Variants in TENM4 observed in about 807,000 individuals in gnomAD.
TENM4 encodes teneurin-4.
Under a neutral mutation model 243.3 loss-of-function variants are expected in TENM4, and 82 were observed. The observed-to-expected ratio is 0.34, with a 90% CI of 0.28 to 0.40. The LOEUF is 0.40. Ranked by LOEUF, TENM4 falls within the 10% of genes least tolerant of loss-of-function variation. The pLI, the probability that TENM4 is intolerant of heterozygous loss-of-function variation, is 1.00. For synonymous variants in TENM4, 1,412 were observed against 1,456.3 expected (o/e 0.97, Z 0.69); for missense variants, 3,138 against 3,673.3 (o/e 0.85, Z 3.77).
chr11:78,952,120 C>T (rs1049626900), intron 6 of TENM4, among the ~76,000 whole-genome samples: 5 of 152,200 alleles, frequency 3.3e-5, no homozygotes, highest in South Asian at 2.1e-4. Context: ...CCTCCATGGA[C>T]CCTGGCACAC....
intron 3 of TENM4, among the ~76,000 whole-genome samples, chr11:79,172,384 T>C (rs1193197098): frequency 1.3e-5 from 2 of 152,210 alleles, no homozygotes; most frequent in Non-Finnish European, 2.9e-5. Flanking sequence ...CATTCACTTA[T>C]CCATTTATTC....
At position 78,702,954 on chromosome 11, in the gene TENM4, T is replaced by A. The variant is rs186960116; in HGVS notation, c.4210-551A>T. Among the ~76,000 whole-genome samples, 17 of 150,838 alleles carry A rather than the reference T, an allele frequency of 1.1e-4. No individual in the cohort carries two copies. The East Asian group carries it at 3.3e-3, about 29-fold the overall frequency. On this transcript the variant is annotated intron_variant, in intron 27 of 33. Coordinates refer to ENST00000278550, the MANE Select transcript of TENM4 (RefSeq NM_001098816.3). Reference sequence around the variant, plus strand: ...TATGATACATGTATGATTTCTCAATTCTTTGAGTTCATGGATTAACAGCTG... The same window carrying A: ...TATGATACATGTATGATTTCTCAATACTTTGAGTTCATGGATTAACAGCTG...
At chr11:79,127,308 G>C (rs989948812) in intron 4 of TENM4, among the ~76,000 whole-genome samples, 7 of 152,234 alleles carry the variant, frequency 4.6e-5, no homozygotes, top group Non-Finnish European at 8.8e-5. Context: ...TGCAGGGGTG[G>C]TGATTCCCAC....
At chr11:79,337,270 G>A (rs1445900895) in intron 1 of TENM4, among the ~76,000 whole-genome samples, 1 of 152,198 alleles carries the variant, frequency 6.6e-6, no homozygotes, top group Non-Finnish European at 1.5e-5. Context: ...GGCAGACTGG[G>A]AGGAGCAGAT....
intron 6 of TENM4, among the ~76,000 whole-genome samples, chr11:79,025,171 G>A (rs1273096843): frequency 6.6e-6 from 1 of 152,148 alleles, no homozygotes; most frequent in African/African-American, 2.4e-5. Flanking sequence ...TCTCACACTA[G>A]CCTGAGAATT....
chr11:79,395,191 T>C (rs1858317788), intron 1 of TENM4, among the ~76,000 whole-genome samples: 1 of 152,216 alleles, frequency 6.6e-6, no homozygotes, highest in Non-Finnish European at 1.5e-5. Context: ...AATTCCTCCC[T>C]GAATTCCTAC....
At chr11:78,981,363 G>A (rs1183778726) in intron 6 of TENM4, among the ~76,000 whole-genome samples, 1 of 152,170 alleles carries the variant, frequency 6.6e-6, no homozygotes, top group East Asian at 1.9e-4. Flanking sequence ...TGTGGTGGGG[G>A]AAGTAGAGCT....
intron 32 of TENM4, among the ~76,000 whole-genome samples, chr11:78,665,258 CT>C (rs200038138): frequency 3.2e-5 from 4 of 123,548 alleles, no homozygotes; most frequent in East Asian, 4.4e-4. Flanking sequence ...TTTTCTTTTT[CT>C]TTTTTTTTCC....
chr11:78,901,450 A>G (rs1221483045), intron 7 of TENM4, among the ~76,000 whole-genome samples: 1 of 152,170 alleles, frequency 6.6e-6, no homozygotes, highest in South Asian at 2.1e-4. Context: ...GAAAGACAGG[A>G]GACGTGAGCT....
At chr11:78,974,357 T>C (rs759448403) in intron 6 of TENM4, among the ~76,000 whole-genome samples, 31 of 152,292 alleles carry the variant, frequency 2.0e-4, no homozygotes, top group South Asian at 1.2e-3. Flanking sequence ...AGGAGGGTAA[T>C]AGCCATCACC....
intron 14 of TENM4, among the ~76,000 whole-genome samples, chr11:78,809,549 T>C (rs1415319016): frequency 1.3e-5 from 2 of 152,160 alleles, no homozygotes; most frequent in Non-Finnish European, 2.9e-5. Context: ...GTGATTAAAG[T>C]TGGCTTCTTT....
chr11:79,156,067 T>C (rs1399868876), intron 3 of TENM4, among the ~76,000 whole-genome samples: 1 of 152,198 alleles, frequency 6.6e-6, no homozygotes, highest in Non-Finnish European at 1.5e-5. Flanking sequence ...ATAGAAAATG[T>C]CAACGGTTAG....
intron 6 of TENM4, among the ~76,000 whole-genome samples, chr11:79,042,978 C>G (rs1444238584): frequency 6.6e-6 from 1 of 152,162 alleles, no homozygotes; most frequent in Non-Finnish European, 1.5e-5. Flanking sequence ...CACGTCTTGC[C>G]ACAAAAGCCA....
chr11:79,312,342 A>G (rs1856735724), intron 1 of TENM4, among the ~76,000 whole-genome samples: 1 of 152,266 alleles, frequency 6.6e-6, no homozygotes, highest in Non-Finnish European at 1.5e-5. Context: ...TGCCTGATTC[A>G]TAAAAATAAT....
At chr11:79,431,403 G>C (rs897993439) in intron 1 of TENM4, among the ~76,000 whole-genome samples, 36 of 152,172 alleles carry the variant, frequency 2.4e-4, no homozygotes, top group Non-Finnish European at 2.9e-4. Flanking sequence ...ACACTGCAAT[G>C]AACATTTTTA....
chr11:79,193,763 A>C (rs1483280894), intron 3 of TENM4, among the ~76,000 whole-genome samples: 1 of 152,202 alleles, frequency 6.6e-6, no homozygotes, highest in Non-Finnish European at 1.5e-5. Flanking sequence ...AATAAAATGA[A>C]AATGAAAGCT....
Position 79,409,982 on chromosome 11 carries a change from A to C in TENM4, c.-321+30527T>G, listed in dbSNP as rs566486606. ...CAATCTTTTGGCTTCCTTGAGCCAC[A>C]CTGGAAGAAGAACTGTCTTGGGCCA... On this transcript the variant is annotated intron_variant, in intron 1 of 33. Transcript: ENST00000278550. 1.9e-3 allele frequency among the ~76,000 whole-genome samples: 286 copies of C among 152,306 alleles called. 3 individuals are homozygous for C. The highest frequency in any genetic ancestry group is 6.6e-3 in the African/African-American group (275 of 41,558).
chr11:78,982,466 C>T (rs1485105652), intron 6 of TENM4, among the ~76,000 whole-genome samples: 1 of 152,090 alleles, frequency 6.6e-6, no homozygotes, highest in East Asian at 1.9e-4. Context: ...TGACAACTGG[C>T]TGACACCCTG....
chr11:78,951,488 C>A (rs1361681966), intron 6 of TENM4, among the ~76,000 whole-genome samples: 1 of 152,204 alleles, frequency 6.6e-6, no homozygotes, highest in African/African-American at 2.4e-5. Flanking sequence ...TCGGCTTAGG[C>A]TGCTGTACCA....
Sources: allele counts gnomAD v4.1 joint callset (sites outside exome capture counted in the v4.1 genomes callset), GRCh38; gene constraint gnomAD v4.1.1; transcripts MANE v1.5; gene names NCBI Gene and HGNC (gene_info 2026-07-23, HGNC 2026-07-21).